The following PDE4B variants were observed in gnomAD, a reference collection of about 807,000 sequenced individuals.
PDE4B encodes 3',5'-cyclic-AMP phosphodiesterase 4B.
A neutral mutation model predicts 82.2 loss-of-function variants in PDE4B; 20 were observed. The ratio of observed to expected loss-of-function variants is 0.24; its 90% CI spans 0.17 to 0.35. PDE4B has a LOEUF of 0.35. PDE4B is among the 10% of genes least tolerant of loss of function. The pLI is 1.00. For synonymous variants in PDE4B, 320 were observed against 318.9 expected (o/e 1.00, Z -0.04); for missense variants, 655 against 907.2 (o/e 0.72, Z 3.57).
At chr1:66,324,357 C>T (rs931729087) in intron 7 of PDE4B, among the ~76,000 whole-genome samples, 1 of 152,074 alleles carries the variant, frequency 6.6e-6, no homozygotes, top group Admixed American at 6.6e-5. Flanking sequence ...TCTTTGCCTC[C>T]CTCCCTCCCA....
intron 3 of PDE4B, among the ~76,000 whole-genome samples, chr1:66,130,694 A>G (rs942973030): frequency 2.0e-5 from 3 of 152,090 alleles, no homozygotes; most frequent in East Asian, 1.9e-4. Context: ...CCTATACTCA[A>G]TTTTGAACTA....
At chr1:66,254,561 T>C (rs993115863) in intron 4 of PDE4B, among the ~76,000 whole-genome samples, 2 of 152,102 alleles carry the variant, frequency 1.3e-5, no homozygotes, top group African/African-American at 4.8e-5. Context: ...CATATCTCAG[T>C]CTTCCTGCTC....
chr1:65,826,755 C>T lies in PDE4B; in HGVS notation c.-71+33507C>T, dbSNP rs554451222. Among the ~76,000 whole-genome samples the T allele has an allele frequency of 3.9e-5, 6 of 152,220 alleles. No homozygotes were observed. In the South Asian group the frequency reaches 1.2e-3, roughly 32 times the overall value. On this transcript the variant is annotated intron_variant, in intron 1 of 16. Coordinates refer to ENST00000341517, the MANE Select transcript of PDE4B (RefSeq NM_002600.4). ...AAGGGGCAGGAATGTAGGTTTTGTC[C>T]AGCAATACTTCCGGAGGAGAAGGAA...
At chr1:66,027,519 C>T (rs1201094491) in intron 3 of PDE4B, among the ~76,000 whole-genome samples, 2 of 152,152 alleles carry the variant, frequency 1.3e-5, no homozygotes, top group Non-Finnish European at 2.9e-5. Flanking sequence ...ACATGCCTTC[C>T]CAACAATCCC....
chr1:66,122,069 T>A lies in PDE4B; in HGVS notation c.282-125391T>A, dbSNP rs558100576. Among the ~76,000 whole-genome samples the A allele has an allele frequency of 2.0e-4, 31 of 152,250 alleles. No homozygotes were observed. The East Asian group carries it at 4.2e-3, about 21-fold the overall frequency. ...CCTTCTCATCTTTATAATAAAGCAG[T>A]TAAGAGCAACAACTTTGAAGTCACA... On this transcript the variant is annotated intron_variant, in intron 3 of 16. Transcript: ENST00000341517.
chr1:65,887,643 T>C (rs2100372328), intron 1 of PDE4B, among the ~76,000 whole-genome samples: 1 of 151,174 alleles, frequency 6.6e-6, no homozygotes, highest in South Asian at 2.1e-4. Flanking sequence ...GTCTCAAACT[T>C]CTGATCTCAA....
chr1:66,158,066 G>A (rs1434494141), intron 3 of PDE4B, among the ~76,000 whole-genome samples: 1 of 152,182 alleles, frequency 6.6e-6, no homozygotes, highest in Non-Finnish European at 1.5e-5. Flanking sequence ...CATTGGTACA[G>A]AAGCATTTCA....
At chr1:65,884,328 T>C (rs1646746301) in intron 1 of PDE4B, among the ~76,000 whole-genome samples, 1 of 152,170 alleles carries the variant, frequency 6.6e-6, no homozygotes, top group Admixed American at 6.6e-5. Flanking sequence ...ATTGCCTCAA[T>C]TTGAGAGCCT....
At chr1:66,312,717 G>C (rs1193260898) in intron 7 of PDE4B, among the ~76,000 whole-genome samples, 2 of 152,086 alleles carry the variant, frequency 1.3e-5, no homozygotes, top group Non-Finnish European at 2.9e-5. Flanking sequence ...TCTATAGCAG[G>C]ATCAACAAAC....
chr1:65,823,995 G>A (rs1424907937), intron 1 of PDE4B, among the ~76,000 whole-genome samples: 1 of 152,210 alleles, frequency 6.6e-6, no homozygotes, highest in South Asian at 2.1e-4. Context: ...TCTACCTGGT[G>A]TTATAGTTGT....
At chr1:65,815,191 G>A (rs1420010488) in intron 1 of PDE4B, among the ~76,000 whole-genome samples, 1 of 149,786 alleles carries the variant, frequency 6.7e-6, no homozygotes, top group African/African-American at 2.5e-5. Context: ...TAATCTCCCA[G>A]TGCCATCCCT....
At chr1:66,065,423 A>G (rs760902476) in intron 3 of PDE4B, among the ~76,000 whole-genome samples, 14 of 151,974 alleles carry the variant, frequency 9.2e-5, no homozygotes, top group South Asian at 8.3e-4. Context: ...AGAATAACTT[A>G]TGGTTGGGAA....
chr1:66,249,673 C>A (rs1653605580), intron 4 of PDE4B, among the ~76,000 whole-genome samples: 1 of 151,704 alleles, frequency 6.6e-6, no homozygotes, highest in Non-Finnish European at 1.5e-5. Context: ...CACCACCCGC[C>A]CCACCCCCTG....
intron 7 of PDE4B, among the ~76,000 whole-genome samples, chr1:66,298,757 C>A (rs1657684278): frequency 1.3e-5 from 2 of 152,078 alleles, no homozygotes; most frequent in Admixed American, 1.3e-4. Context: ...TGGAGAGGTT[C>A]CATACAGTGG....
chr1:66,148,980 T>C (rs139687648), intron 3 of PDE4B, among the ~76,000 whole-genome samples: 1 of 152,350 alleles, frequency 6.6e-6, no homozygotes, highest in East Asian at 1.9e-4. Flanking sequence ...ATGCACAAGT[T>C]TTTGTATATA....
intron 3 of PDE4B, among the ~76,000 whole-genome samples, chr1:66,085,706 A>ACT (rs1192046696): frequency 2.0e-5 from 3 of 152,058 alleles, no homozygotes; most frequent in Admixed American, 1.3e-4. Context: ...GTGGCTGGGT[A>ACT]CTCTGACTAG....
intron 3 of PDE4B, among the ~76,000 whole-genome samples, chr1:65,963,781 A>G (rs915560737): frequency 7.2e-5 from 11 of 152,168 alleles, no homozygotes; most frequent in South Asian, 6.2e-4. Context: ...TAACACAATC[A>G]TTGCCTTCCA....
chr1:65,939,889 A>G (rs968201870), intron 3 of PDE4B, among the ~76,000 whole-genome samples: 2 of 152,120 alleles, frequency 1.3e-5, no homozygotes, highest in Admixed American at 6.6e-5. Flanking sequence ...ATCTCATCCT[A>G]TGTCTCATTA....
intron 7 of PDE4B, among the ~76,000 whole-genome samples, chr1:66,313,184 G>T (rs1415342328): frequency 6.6e-6 from 1 of 152,012 alleles, no homozygotes; most frequent in African/African-American, 2.4e-5. Flanking sequence ...TCTATCTCTT[G>T]CCAGGCAAGC....
Sources: gnomAD v4.1 joint callset for allele counts (sites outside exome capture counted in the v4.1 genomes callset) on GRCh38, gnomAD v4.1.1 for gene constraint, MANE v1.5 for transcripts, NCBI Gene and HGNC (gene_info 2026-07-23, HGNC 2026-07-21) for gene names.